MIPOL1: variants seen among roughly 807,000 people sequenced by gnomAD.
MIPOL1 encodes the protein mirror-image polydactyly gene 1 protein.
A neutral mutation model predicts 60.9 loss-of-function variants in MIPOL1; 57 were observed. That is an observed-to-expected ratio of 0.94 (90% confidence interval 0.76 to 1.17). The LOEUF (loss-of-function observed/expected upper bound fraction) is 1.17. Among genes scored for constraint, MIPOL1 ranks in the 50% most tolerant of loss-of-function variants. The pLI, the probability that MIPOL1 is intolerant of heterozygous loss-of-function variation, is 0.00. For synonymous variants in MIPOL1, 179 were observed against 168.8 expected (o/e 1.06, Z -0.47); for missense variants, 551 against 511.6 (o/e 1.08, Z -0.74).
chr14:37,474,848 G>A (rs1341311412), intron 11 of MIPOL1, among the ~76,000 whole-genome samples: 1 of 152,080 alleles, frequency 6.6e-6, no homozygotes, highest in Non-Finnish European at 1.5e-5. Flanking sequence ...GTATATCATT[G>A]TTGTTTCAAT....
rs1486572559 is a variant in MIPOL1, at chr14:37,549,095, TA to T, written c.*2125del. 6.6e-6 allele frequency: 1 copy of T among 151,972 alleles called. No individual in the cohort carries two copies. Among genetic ancestry groups the T allele is most frequent in the African/African-American group, 2.4e-5 (1 of 41,454 alleles). The allele number at this position is 151,972 out of a possible 1,614,324, so 9.4% of individuals were successfully genotyped here. A position where few individuals can be genotyped will look rare whatever the true frequency, so the allele number is the denominator to read the frequency against. On this transcript the variant is annotated 3_prime_UTR_variant, in exon 13 of 13. Coordinates refer to ENST00000684589, the MANE Select transcript of MIPOL1 (RefSeq NM_001388067.1). ...TCAACAGTGTGTCAGATGGTCTTTA[TA>T]TATTTTTTCTGTATGAAGGAATAGC...
chr14:37,448,680 T>A (rs2094373722), intron 11 of MIPOL1, among the ~76,000 whole-genome samples: 2 of 152,188 alleles, frequency 1.3e-5, no homozygotes, highest in Non-Finnish European at 2.9e-5. Flanking sequence ...TGTGCTGTTG[T>A]CTTTTAAAAT....
At chr14:37,536,942 C>T (rs990964964) in intron 12 of MIPOL1, among the ~76,000 whole-genome samples, 2 of 152,100 alleles carry the variant, frequency 1.3e-5, no homozygotes, top group Non-Finnish European at 2.9e-5. Flanking sequence ...AATTGGGAGT[C>T]ATCATTTTTA....
At chr14:37,514,705 TC>T (rs1299468051) in intron 12 of MIPOL1, among the ~76,000 whole-genome samples, 1 of 151,702 alleles carries the variant, frequency 6.6e-6, no homozygotes, top group Non-Finnish European at 1.5e-5. Flanking sequence ...CACAGCAACC[TC>T]CGCCTCCCGA....
intron 10 of MIPOL1, among the ~76,000 whole-genome samples, chr14:37,389,337 A>C (rs10129341): frequency 0.96 from 145,883 of 151,900 alleles, 70,082 homozygotes; most frequent in East Asian, 1. Flanking sequence ...TATTTCTTAT[A>C]TTTTCAACTC....
intron 1 of MIPOL1, among the ~76,000 whole-genome samples, chr14:37,224,836 C>T (rs1331023541): frequency 1.3e-5 from 2 of 152,184 alleles, no homozygotes; most frequent in African/African-American, 2.4e-5. Context: ...TTAACTGTTA[C>T]AAGGAAAGTC....
chr14:37,273,345 TA>T (rs1009553033), intron 6 of MIPOL1, among the ~76,000 whole-genome samples: 60 of 149,560 alleles, frequency 4.0e-4, no homozygotes, highest in African/African-American at 9.3e-4. Context: ...GATTTAGTGT[TA>T]AAAAAAAACA....
chr14:37,270,640 C>CTTT, intron 6 of MIPOL1, 115 bp downstream of exon 6: 1 of 258,988 alleles, frequency 3.9e-6, no homozygotes, highest in Non-Finnish European at 6.2e-6. Flanking sequence ...GGGAAGCTCT[C>CTTT]CTTTTTTTTT....
chr14:37,485,513 A>T (rs576118099), intron 11 of MIPOL1, among the ~76,000 whole-genome samples: 2 of 152,126 alleles, frequency 1.3e-5, no homozygotes, highest in Non-Finnish European at 2.9e-5. Context: ...TGATTTTTTA[A>T]TGATCACCAT....
intron 9 of MIPOL1, among the ~76,000 whole-genome samples, chr14:37,336,365 C>A (rs1321417490): frequency 6.7e-6 from 1 of 149,306 alleles, no homozygotes; most frequent in Non-Finnish European, 1.5e-5. Context: ...TTATCATTCT[C>A]TTTTATTATT....
intron 1 of MIPOL1, among the ~76,000 whole-genome samples, chr14:37,233,153 G>T (rs1262682197): frequency 3.3e-5 from 5 of 151,956 alleles, no homozygotes; most frequent in Admixed American, 6.6e-5. Context: ...ACACCATTTG[G>T]GCTTGATTCA....
intron 9 of MIPOL1, among the ~76,000 whole-genome samples, chr14:37,356,193 G>A (rs574086599): frequency 8.5e-5 from 13 of 152,058 alleles, no homozygotes; most frequent in African/African-American, 2.9e-4. Flanking sequence ...GTCCCTGCTG[G>A]GGTGTGCCTC....
intron 11 of MIPOL1, among the ~76,000 whole-genome samples, chr14:37,455,195 C>T (rs1030242547): frequency 6.6e-6 from 1 of 152,200 alleles, no homozygotes; most frequent in Non-Finnish European, 1.5e-5. Context: ...TTCTGAATTA[C>T]TATGAGTCAA....
chr14:37,496,906 A>G (rs568632099), intron 11 of MIPOL1, among the ~76,000 whole-genome samples: 63 of 151,238 alleles, frequency 4.2e-4, no homozygotes, highest in African/African-American at 1.5e-3. Flanking sequence ...AAACTATACT[A>G]CAAGGCTACA....
At chr14:37,293,893 GACAA>G (rs1354538099) in intron 7 of MIPOL1, among the ~76,000 whole-genome samples, 2 of 152,218 alleles carry the variant, frequency 1.3e-5, no homozygotes, top group Non-Finnish European at 2.9e-5. Context: ...GCAGGGCACA[GACAA>G]ACAAAAGGCA....
At chr14:37,321,773 C>T (rs951452880) in intron 9 of MIPOL1, among the ~76,000 whole-genome samples, 10 of 151,846 alleles carry the variant, frequency 6.6e-5, no homozygotes, top group African/African-American at 2.2e-4. Flanking sequence ...AAGGTCTTTA[C>T]GATTACTGTA....
At chr14:37,439,596 T>C (rs1441492372) in intron 11 of MIPOL1, among the ~76,000 whole-genome samples, 2 of 152,100 alleles carry the variant, frequency 1.3e-5, no homozygotes, top group Non-Finnish European at 2.9e-5. Context: ...TTTGGACATA[T>C]ACAACAGCCT....
intron 9 of MIPOL1, among the ~76,000 whole-genome samples, chr14:37,365,065 C>T (rs763613248): frequency 7.6e-4 from 115 of 152,134 alleles, no homozygotes; most frequent in Middle Eastern, 3.2e-3. Flanking sequence ...TATCCTGCAA[C>T]CTTACTGAAT....
Position 37,445,544 on chromosome 14 carries a change from A to C in MIPOL1, c.1031+22595A>C, listed in dbSNP as rs1383485080. Among the ~76,000 whole-genome samples, 10 of 151,444 alleles carry C rather than the reference A, an allele frequency of 6.6e-5. No homozygotes were observed. In the East Asian group the frequency reaches 1.4e-3, roughly 21 times the overall value. On this transcript the variant is annotated intron_variant, in intron 11 of 12. Coordinates refer to ENST00000684589, the MANE Select transcript of MIPOL1 (RefSeq NM_001388067.1). ...TGCCATCCCCATCAAGCTACCAATG[A>C]CTTTCTTCACAGAATTGGAAAAAAC...
Sources: gnomAD v4.1 joint callset for allele counts (sites outside exome capture counted in the v4.1 genomes callset) on GRCh38, gnomAD v4.1.1 for gene constraint, MANE v1.5 for transcripts, NCBI Gene and HGNC (gene_info 2026-07-23, HGNC 2026-07-21) for gene names.